OTUD7A: variants seen among roughly 807,000 people sequenced by gnomAD.
OTUD7A encodes OTU domain-containing protein 7A.
A neutral mutation model predicts 65.7 loss-of-function variants in OTUD7A; 12 were observed. The observed-to-expected ratio is 0.18, with a 90% CI of 0.12 to 0.30. The LOEUF (loss-of-function observed/expected upper bound fraction) is 0.30. Among genes scored for constraint, OTUD7A ranks in the 10% least tolerant of loss-of-function variants. OTUD7A has a pLI of 1.00. For missense variants in OTUD7A, 1,148 were observed against 1,304.8 expected, an observed-to-expected ratio of 0.88 and a Z score of 1.85; for synonymous variants, 641 against 586.3, an observed-to-expected ratio of 1.09 and a Z score of -1.35.
intron 3 of OTUD7A, among the ~76,000 whole-genome samples, chr15:31,588,348 C>A (rs1032096572): frequency 1.3e-5 from 2 of 152,130 alleles, no homozygotes; most frequent in Non-Finnish European, 2.9e-5. Flanking sequence ...ACTACAGGTG[C>A]AGACATGCAT....
At chr15:31,811,450 T>C (rs1015451921) in intron 1 of OTUD7A, among the ~76,000 whole-genome samples, 1 of 151,854 alleles carries the variant, frequency 6.6e-6, no homozygotes, top group Non-Finnish European at 1.5e-5. Flanking sequence ...GTGCTTTGTA[T>C]GTATGTATGG....
intron 1 of OTUD7A, among the ~76,000 whole-genome samples, chr15:31,717,034 A>G (rs866757733): frequency 2.0e-5 from 3 of 152,300 alleles, no homozygotes; most frequent in Admixed American, 6.5e-5. Flanking sequence ...AGATCCCCTC[A>G]AAGGTTAAAG....
At chr15:31,838,605 C>G (rs1897110248) in intron 1 of OTUD7A, among the ~76,000 whole-genome samples, 1 of 152,104 alleles carries the variant, frequency 6.6e-6, no homozygotes, top group African/African-American at 2.4e-5. Context: ...AGGACACCCA[C>G]CACTGCTCAC....
chr15:31,798,770 C>G (rs12441587), intron 1 of OTUD7A, among the ~76,000 whole-genome samples: 1 of 152,198 alleles, frequency 6.6e-6, no homozygotes, highest in South Asian at 2.1e-4. Context: ...CCAGCCCCCA[C>G]GGCCCCAGAG....
rs2041122563 is a variant in OTUD7A at position 31,481,735 on chromosome 15, C to T, written c.*1559G>A. The T allele has an allele frequency of 5.9e-5, 9 of 152,000 alleles. 1 individual carries two copies. In the South Asian group the frequency reaches 1.9e-3, roughly 32 times the overall value. The allele number at this position is 152,000 out of a possible 1,614,324, so 9.4% of individuals were successfully genotyped here. On this transcript the variant is annotated 3_prime_UTR_variant, in exon 13 of 13. Coordinates refer to ENST00000307050, the MANE Select transcript of OTUD7A (RefSeq NM_001382637.1). ...AATTTCTCAAACAAGTAAAAAAAAT[C>T]CCCTCGCCCCCCCTTTTTTTTTGTT... is the stretch of plus-strand genomic sequence containing the variant.
At chr15:31,773,768 T>TAC (rs1352692380) in intron 1 of OTUD7A, among the ~76,000 whole-genome samples, 2 of 152,138 alleles carry the variant, frequency 1.3e-5, no homozygotes, top group African/African-American at 4.8e-5. Context: ...ATATATGAAA[T>TAC]ACACACACAC....
At chr15:31,801,410 C>A (rs1896121489) in intron 1 of OTUD7A, among the ~76,000 whole-genome samples, 2 of 152,224 alleles carry the variant, frequency 1.3e-5, no homozygotes, top group Admixed American at 1.3e-4. Flanking sequence ...TGCCAGAACC[C>A]AGCCCTTCTG....
Position 31,477,781 on chromosome 15 carries a change from A to G in OTUD7A, c.*5513T>C, listed in dbSNP as rs995205065. The G allele has an allele frequency of 1.3e-5, 2 of 151,588 alleles. No individual in the cohort carries two copies. Among genetic ancestry groups the G allele is most frequent in the African/African-American group, 4.8e-5 (2 of 41,298 alleles). 9.4% of individuals were successfully genotyped at this position (151,588 alleles called of 1,614,324 possible). A position where few individuals can be genotyped will look rare whatever the true frequency, so the allele number is the denominator to read the frequency against. ...AAGTTCCTGCCCACATGGAGCTTAC[A>G]GTCTATGGGAGATGGGGAGGCGAGA... On this transcript the variant is annotated 3_prime_UTR_variant, in exon 13 of 13. Coordinates refer to ENST00000307050, the MANE Select transcript of OTUD7A (RefSeq NM_001382637.1).
At position 31,768,169 on chromosome 15, in the gene OTUD7A, A is replaced by G. The variant is rs1371885320; in HGVS notation, c.-100+102338T>C. ...CTTCATTCCACAGCTTGGTGGCCCG[A>G]TAAGGCCCGGGAGGCACAACCCGAC... On this transcript the variant is annotated intron_variant, in intron 1 of 12. Coordinates refer to ENST00000307050, the MANE Select transcript of OTUD7A (RefSeq NM_001382637.1). The G allele has an allele frequency of 4.0e-6, 6 of 1,493,334 alleles. No homozygotes were observed. In the East Asian group the frequency reaches 1.1e-4, roughly 28 times the overall value. 92.5% of individuals were successfully genotyped at this position (1,493,334 alleles called of 1,614,324 possible).
intron 1 of OTUD7A, among the ~76,000 whole-genome samples, chr15:31,830,980 G>C (rs1417083635): frequency 2.0e-5 from 3 of 152,216 alleles, no homozygotes; most frequent in Non-Finnish European, 2.9e-5. Flanking sequence ...CAATGGAACA[G>C]AATAAAGGGC....
intron 1 of OTUD7A, among the ~76,000 whole-genome samples, chr15:31,668,841 G>A (rs1892400092): frequency 6.6e-6 from 1 of 152,186 alleles, no homozygotes. Flanking sequence ...CTCATGGCGT[G>A]TTCCATTGTA....
chr15:31,489,173 G>C (rs971944813), intron 10 of OTUD7A, among the ~76,000 whole-genome samples: 6 of 152,302 alleles, frequency 3.9e-5, no homozygotes, highest in African/African-American at 1.4e-4. Flanking sequence ...TGGGGCAGGG[G>C]GTGGCACAGG....
intron 8 of OTUD7A, among the ~76,000 whole-genome samples, chr15:31,506,956 A>T (rs1316600148): frequency 1.3e-5 from 2 of 152,256 alleles, no homozygotes; most frequent in South Asian, 2.1e-4. Context: ...GGGCCTCTGG[A>T]GTACCATGTG....
At chr15:31,730,829 A>G (rs891058290) in intron 1 of OTUD7A, among the ~76,000 whole-genome samples, 3 of 152,200 alleles carry the variant, frequency 2.0e-5, no homozygotes, top group African/African-American at 7.2e-5. Context: ...TGAGCCCCAC[A>G]TGGTCTACAG....
chr15:31,741,683 T>G (rs560539563), intron 1 of OTUD7A, among the ~76,000 whole-genome samples: 1 of 151,852 alleles, frequency 6.6e-6, no homozygotes, highest in Non-Finnish European at 1.5e-5. Flanking sequence ...ATAAAAGCCA[T>G]AGACAGAGAA....
intron 1 of OTUD7A, among the ~76,000 whole-genome samples, chr15:31,708,898 G>A (rs1455988988): frequency 7.3e-5 from 11 of 151,430 alleles, no homozygotes; most frequent in Non-Finnish European, 1.3e-4. Flanking sequence ...AGATACAGGT[G>A]GCCTGGGCTG....
At chr15:31,682,311 A>G (rs184618902) in intron 1 of OTUD7A, among the ~76,000 whole-genome samples, 113 of 152,354 alleles carry the variant, frequency 7.4e-4, no homozygotes, top group Non-Finnish European at 1.2e-3. Flanking sequence ...GATGTCAAGT[A>G]TAGTCACACT....
intron 1 of OTUD7A, among the ~76,000 whole-genome samples, chr15:31,756,728 TG>T (rs1894826715): frequency 1.3e-5 from 2 of 151,884 alleles, no homozygotes; most frequent in African/African-American, 4.8e-5. Flanking sequence ...AATAAGAATA[TG>T]GGGATAGCCT....
chr15:31,574,296 C>T (rs994987648), intron 3 of OTUD7A, among the ~76,000 whole-genome samples: 3 of 151,964 alleles, frequency 2.0e-5, no homozygotes, highest in African/African-American at 7.2e-5. Context: ...AATATTTACA[C>T]AGAAAAATAG....
Sources: allele counts gnomAD v4.1 joint callset (sites outside exome capture counted in the v4.1 genomes callset), GRCh38; gene constraint gnomAD v4.1.1; transcripts MANE v1.5; gene names NCBI Gene and HGNC (gene_info 2026-07-23, HGNC 2026-07-21).